Variants in WHR1 observed in about 807,000 individuals in gnomAD.
WHR1 encodes the protein winged helix repair factor 1.
chr6:31,972,564 T>C, the WHR1 span: 3 of 1,595,560 alleles, frequency 1.9e-6, no homozygotes, highest in Non-Finnish European at 2.6e-6. This position sits in a 1 kb window ranked among gnomAD's most constrained non-coding sequence, Gnocchi z 6.3. Flanking sequence ...CCGAGAGTTT[T>C]GTTAGAACCG....
At chr6:31,976,226 T>C in the WHR1 span, among the ~76,000 whole-genome samples, 1 of 139,530 alleles carries the variant, frequency 7.2e-6, no homozygotes, top group African/African-American at 2.8e-5. Context: ...GGGGCGCCCC[T>C]CACCTCCCGG....
chr6:31,980,108 G>A, the WHR1 span: 1 of 315,642 alleles, frequency 3.2e-6, no homozygotes, highest in East Asian at 5.3e-5. Context: ...CTAGGCAGTG[G>A]CAGGAGCGCA....
chr6:31,976,404 C>T, the WHR1 span, among the ~76,000 whole-genome samples: 2 of 149,922 alleles, frequency 1.3e-5, no homozygotes, highest in African/African-American at 2.5e-5. Flanking sequence ...ACCTCCCAGA[C>T]GGGGTCGCGG....
At chr6:31,972,598 C>G in the WHR1 span, 30 of 1,600,130 alleles carry the variant, frequency 1.9e-5, no homozygotes, top group East Asian at 4.7e-4. This position sits in a 1 kb window ranked among gnomAD's most constrained non-coding sequence, Gnocchi z 6.3. Flanking sequence ...GTTCCCTGTC[C>G]GTGAGCCGAT....
the WHR1 span, chr6:31,971,701 A>G: frequency 1.9e-6 from 3 of 1,583,702 alleles, no homozygotes; most frequent in Non-Finnish European, 8.6e-7. The surrounding 1 kb of genome is among the most constrained non-coding windows in gnomAD (Gnocchi z 4.5). Flanking sequence ...GCAGGGGTAC[A>G]GAGTTTCCAT....
At chr6:31,972,618 C>T in the WHR1 span, 1 of 1,607,584 alleles carries the variant, frequency 6.2e-7, no homozygotes, top group South Asian at 1.1e-5. The surrounding 1 kb of genome is among the most constrained non-coding windows in gnomAD (Gnocchi z 6.3). Context: ...TTTATCTGCC[C>T]AGGGTCGGCG....
At chr6:31,979,281 A>C in the WHR1 span, 1 of 1,120,110 alleles carries the variant, frequency 8.9e-7, no homozygotes. Context: ...GAAGAGGAGG[A>C]GGAAGAAGAA....
At chr6:31,977,917 A>T in the WHR1 span, among the ~76,000 whole-genome samples, 2 of 152,216 alleles carry the variant, frequency 1.3e-5, no homozygotes, top group African/African-American at 4.8e-5. Context: ...CCTCCTGAGT[A>T]GCTGGGACTA....
chr6:31,979,048 G>A, the WHR1 span: 3 of 1,578,428 alleles, frequency 1.9e-6, no homozygotes, highest in East Asian at 6.7e-5. Flanking sequence ...ACAGGTTGGG[G>A]GAGACAGGGA....
chr6:31,976,032 G>A, the WHR1 span, among the ~76,000 whole-genome samples: 6 of 149,766 alleles, frequency 4.0e-5, no homozygotes, highest in African/African-American at 4.9e-5. Flanking sequence ...GGCCGGGCGG[G>A]GGGGGCTGAC....
the WHR1 span, chr6:31,972,626 G>T: frequency 3.1e-6 from 5 of 1,607,990 alleles, no homozygotes; most frequent in Non-Finnish European, 4.3e-6. The surrounding 1 kb of genome is among the most constrained non-coding windows in gnomAD (Gnocchi z 6.3). Context: ...CCCAGGGTCG[G>T]CGCGCGCGGC....
the WHR1 span, chr6:31,980,043 C>T: frequency 4.1e-6 from 1 of 241,790 alleles, no homozygotes; most frequent in Admixed American, 4.9e-5. Context: ...GCACTGATCT[C>T]ACATGGGCAG....
chr6:31,975,376 ATT>A, the WHR1 span, among the ~76,000 whole-genome samples: 8 of 151,880 alleles, frequency 5.3e-5, no homozygotes, highest in South Asian at 8.3e-4. Context: ...TAATTTTGGT[ATT>A]TTTAGTAGAG....
At chr6:31,972,303 A>T in the WHR1 span, 10 of 1,612,986 alleles carry the variant, frequency 6.2e-6, no homozygotes, top group South Asian at 1.1e-4. The surrounding 1 kb of genome is among the most constrained non-coding windows in gnomAD (Gnocchi z 6.3). Flanking sequence ...CTGGTCTAGG[A>T]GGGACGCCCG....
At chr6:31,979,354 G>T in the WHR1 span, 2 of 1,604,592 alleles carry the variant, frequency 1.2e-6, no homozygotes, top group Non-Finnish European at 1.7e-6. Flanking sequence ...CTGTCCTGGG[G>T]GTGGAGGTTG....
At chr6:31,979,653 A>G in the WHR1 span, 31 of 1,496,980 alleles carry the variant, frequency 2.1e-5, no homozygotes, top group South Asian at 3.7e-4. Context: ...TGAACCTGCC[A>G]GAAAAGCTGC....
At chr6:31,975,482 T>G in the WHR1 span, among the ~76,000 whole-genome samples, 10 of 151,994 alleles carry the variant, frequency 6.6e-5, no homozygotes, top group African/African-American at 2.4e-4. Flanking sequence ...ATTACAGGCA[T>G]GATCCACCGC....
At chr6:31,972,415 A>G in the WHR1 span, 26 of 1,612,832 alleles carry the variant, frequency 1.6e-5, no homozygotes, top group Admixed American at 3.5e-4. The surrounding 1 kb of genome is among the most constrained non-coding windows in gnomAD (Gnocchi z 6.3). Flanking sequence ...CCGGGATATG[A>G]GCTGGAAGAG....
the WHR1 span, chr6:31,980,479 G>A: frequency 2.4e-5 from 38 of 1,612,992 alleles, 1 homozygote; most frequent in South Asian, 1.1e-4. Context: ...AGTCCTCACC[G>A]TCCGAGATGC....
Sources: allele counts gnomAD v4.1 joint callset (sites outside exome capture counted in the v4.1 genomes callset), GRCh38; gene constraint gnomAD v4.1.1; non-coding constraint Gnocchi (gnomAD v3.1); transcripts MANE v1.5; gene names NCBI Gene and HGNC (gene_info 2026-07-23, HGNC 2026-07-21).